The following SAG variants were observed in gnomAD, a reference collection of about 807,000 sequenced individuals.
SAG encodes S-arrestin.
A neutral mutation model predicts 55.0 loss-of-function variants in SAG; 45 were observed. That is an observed-to-expected ratio of 0.82 (90% confidence interval 0.64 to 1.05). The LOEUF is 1.05. SAG is among the 50% of genes least tolerant of loss of function. The pLI is 0.00. For synonymous variants in SAG, 189 were observed against 197.4 expected (o/e 0.96, Z 0.36); for missense variants, 455 against 512.1 (o/e 0.89, Z 1.08).
At chr2:233,320,190 T>C (rs1412591582) in intron 4 of SAG, among the ~76,000 whole-genome samples, 1 of 152,226 alleles carries the variant, frequency 6.6e-6, no homozygotes, top group African/African-American at 2.4e-5. Flanking sequence ...CGATTGACCC[T>C]GGCCCACATC....
In SAG at chr2:233,334,961, GA is replaced by G. The variant is rs1700874955; in HGVS notation, c.807del (p.Glu270LysfsTer9). ...AATCTCCTCTGTTCTTCTTCCTCTAGAGAAAAAGTGCCACCAAACAGCACTT... is the reference window on the plus strand; with the variant it reads ...AATCTCCTCTGTTCTTCTTCCTCTAGGAAAAAGTGCCACCAAACAGCACTT... ...YVKPVAMEEA[Q>X]EKVPPNSTLT... On this transcript the variant is annotated frameshift_variant and splice_region_variant, in exon 11 of 16. Coordinates refer to ENST00000409110, the MANE Select transcript of SAG (RefSeq NM_000541.5). LOFTEE classifies it high-confidence loss of function. The G allele has an allele frequency of 6.2e-7, 1 of 1,613,814 alleles. No homozygotes were observed. Among genetic ancestry groups the G allele is most frequent in the Non-Finnish European group, 8.5e-7 (1 of 1,179,840 alleles).
At chr2:233,341,968 C>T (rs1276064390) in intron 13 of SAG, among the ~76,000 whole-genome samples, 1 of 151,900 alleles carries the variant, frequency 6.6e-6, no homozygotes, top group African/African-American at 2.4e-5. Context: ...TTTAAAAATA[C>T]AAAAATTAGC....
In SAG at chr2:233,309,180, G is replaced by A. The variant is rs920611036; in HGVS notation, c.-10G>A. On this transcript the variant is annotated 5_prime_UTR_variant, in exon 2 of 16. Coordinates refer to ENST00000409110, the MANE Select transcript of SAG (RefSeq NM_000541.5). ...CCCCAAGGTGGTAGAAGTTGCCAGG[G>A]ACAGATAACATGGCAGCCAGCGGGA... The A allele has an allele frequency of 3.1e-6, 5 of 1,612,596 alleles. No homozygotes were observed. The Admixed American group carries it at 5.0e-5, about 16-fold the overall frequency.
intron 4 of SAG, among the ~76,000 whole-genome samples, chr2:233,320,289 A>G (rs950558550): frequency 3.3e-5 from 5 of 152,186 alleles, no homozygotes; most frequent in Admixed American, 3.3e-4. Flanking sequence ...CTGAGCAGCC[A>G]GCACTGTCTC....
At chr2:233,317,117 C>A (rs185806011) in intron 3 of SAG, among the ~76,000 whole-genome samples, 1 of 152,212 alleles carries the variant, frequency 6.6e-6, no homozygotes, top group Non-Finnish European at 1.5e-5. Context: ...CTGCCTTAGC[C>A]TCCCAAAGTG....
intron 13 of SAG, 78 bp from the exon 14 acceptor site, chr2:233,342,193 C>G: frequency 2.7e-6 from 3 of 1,112,278 alleles, no homozygotes; most frequent in Admixed American, 2.0e-5. Context: ...TGTGACTCTC[C>G]GCAGCCATAG....
intron 14 of SAG, chr2:233,343,637 A>C: frequency 1.6e-6 from 2 of 1,250,564 alleles, no homozygotes; most frequent in Non-Finnish European, 2.1e-6. Flanking sequence ...AAGGTAAATG[A>C]AGCAGCAAAA....
intron 15 of SAG, 28 bp from the exon 16 acceptor site, chr2:233,346,779 G>A (rs368841316): frequency 6.9e-7 from 1 of 1,442,278 alleles, no homozygotes; most frequent in East Asian, 2.3e-5. Flanking sequence ...GGCGTGCAAT[G>A]ATCAAAATGT....
chr2:233,309,294 A>G, intron 2 of SAG, 30 bp downstream of exon 2: 1 of 1,577,324 alleles, frequency 6.3e-7, no homozygotes, highest in Non-Finnish European at 8.7e-7. Flanking sequence ...GTGATTTGAT[A>G]GAAATTATTG....
chr2:233,329,663 A>C (rs536134348), intron 9 of SAG, 86 bp downstream of exon 9: 1 of 908,940 alleles, frequency 1.1e-6, no homozygotes, highest in African/African-American at 1.6e-5. Flanking sequence ...CTGGTCTGAT[A>C]AGGCCCTTCT....
At chr2:233,346,433 TGGC>T in intron 15 of SAG, 21 bp downstream of exon 15, 9 of 1,613,442 alleles carry the variant, frequency 5.6e-6, no homozygotes, top group Non-Finnish European at 6.8e-6. Flanking sequence ...CTCTTGAATG[TGGC>T]CCTGATTTGT....
intron 5 of SAG, among the ~76,000 whole-genome samples, chr2:233,321,605 G>A (rs892215870): frequency 6.6e-6 from 1 of 152,148 alleles, no homozygotes; most frequent in Admixed American, 6.5e-5. Flanking sequence ...AGGCTGGGGG[G>A]TTGGAGGATG....
At chr2:233,335,142 C>T in intron 11 of SAG, 43 bp downstream of exon 11, 1 of 1,587,820 alleles carries the variant, frequency 6.3e-7, no homozygotes, top group Non-Finnish European at 8.6e-7. Flanking sequence ...GCAGGGCGGG[C>T]TGGTGCTGGT....
At chr2:233,342,024 T>A (rs1206042889) in intron 13 of SAG, among the ~76,000 whole-genome samples, 1 of 151,038 alleles carries the variant, frequency 6.6e-6, no homozygotes, top group Non-Finnish European at 1.5e-5. Flanking sequence ...CTCGGGAGGC[T>A]GAGATAGGAG....
intron 14 of SAG, 170 bp downstream of exon 14, chr2:233,342,496 T>C (rs1191675233): frequency 1.4e-5 from 9 of 647,732 alleles, no homozygotes; most frequent in Non-Finnish European, 2.5e-5. Flanking sequence ...AGGGCCCATC[T>C]GTTCAGCGCT....
At chr2:233,320,844 G>A (rs944463746) in intron 5 of SAG, 21 bp downstream of exon 5, 2 of 1,560,286 alleles carry the variant, frequency 1.3e-6, no homozygotes, top group African/African-American at 2.7e-5. Flanking sequence ...CCTCCGGCCA[G>A]CCCTGCTTCC....
chr2:233,328,491 T>C lies in SAG; in HGVS notation c.526T>C (p.Leu176=). ...DKIPKKSSVR[L]LIRKVQHAPL... The stretch of plus-strand genomic sequence containing the variant: ...TGTTTCCCACAGGAGCTCCGTGCGA[T>C]TACTGATCCGCAAAGTACAGCATGC... The change falls in exon 8 of 16, where the codon TTA becomes CTA. Residue 176 remains leucine, a synonymous_variant. Coordinates refer to ENST00000409110, the MANE Select transcript of SAG (RefSeq NM_000541.5). The C allele has an allele frequency of 4.3e-6, 7 of 1,613,628 alleles. No individual in the cohort carries two copies. Among genetic ancestry groups the C allele is most frequent in the Non-Finnish European group, 5.9e-6 (7 of 1,179,640 alleles).
At chr2:233,316,699 G>T (rs1700225191) in intron 3 of SAG, among the ~76,000 whole-genome samples, 1 of 152,152 alleles carries the variant, frequency 6.6e-6, no homozygotes, top group Admixed American at 6.6e-5. Context: ...CAAAAAGCAA[G>T]ATCCTATGAG....
At chr2:233,326,673 TG>T (rs1004234303) in intron 6 of SAG, among the ~76,000 whole-genome samples, 2 of 151,800 alleles carry the variant, frequency 1.3e-5, no homozygotes, top group East Asian at 1.9e-4. Flanking sequence ...CAGGTGACCA[TG>T]GGGGTCAGGG....
Sources: allele counts gnomAD v4.1 joint callset (sites outside exome capture counted in the v4.1 genomes callset), GRCh38; gene constraint gnomAD v4.1.1; transcripts MANE v1.5; gene names NCBI Gene and HGNC (gene_info 2026-07-23, HGNC 2026-07-21).